PRTG: variants seen among roughly 807,000 people sequenced by gnomAD.
PRTG encodes the protein protogenin.
PRTG carries 67 observed loss-of-function variants against 122.5 expected under a neutral mutation model. That is an observed-to-expected ratio of 0.55 (90% CI 0.45 to 0.67). The LOEUF is 0.67. Ranked by LOEUF, PRTG falls within the 30% of genes least tolerant of loss-of-function variation. PRTG has a pLI of 0.00. For missense variants in PRTG, 1,435 were observed against 1,415.4 expected (o/e 1.01, Z -0.22); for synonymous variants, 554 against 501.1 (o/e 1.11, Z -1.41).
chr15:55,683,985 A>G, intron 2 of PRTG, 54 bp from the exon 3 acceptor site: 4 of 1,470,926 alleles, frequency 2.7e-6, no homozygotes, highest in Non-Finnish European at 3.8e-6. Flanking sequence ...TAACACTTAG[A>G]AGTAACATTA....
chr15:55,717,114 G>T (rs1419591239), intron 2 of PRTG, among the ~76,000 whole-genome samples: 1 of 152,114 alleles, frequency 6.6e-6, no homozygotes, highest in Non-Finnish European at 1.5e-5. Flanking sequence ...GTTCCATCCT[G>T]ATATCACAAG....
Position 55,618,926 on chromosome 15 carries a change from T to C in PRTG, c.*1086A>G, listed in dbSNP as rs1050033370. 5.9e-5 allele frequency: 9 copies of C among 152,204 alleles called. No homozygotes were observed. The East Asian group carries it at 1.7e-3, about 29-fold the overall frequency. The allele number at this position is 152,204 out of a possible 1,614,324, so 9.4% of individuals were successfully genotyped here. A position where few individuals can be genotyped will look rare whatever the true frequency, so the allele number is the denominator to read the frequency against. On this transcript the variant is annotated 3_prime_UTR_variant, in exon 20 of 20. Transcript: ENST00000389286. ...TTCGAGTTCATTTTACTGTCTACTG[T>C]TGCATTTACCTTCATTCTTAATAGT...
chr15:55,720,306 G>C (rs1263085670), intron 2 of PRTG, among the ~76,000 whole-genome samples: 1 of 147,314 alleles, frequency 6.8e-6, no homozygotes, highest in East Asian at 2.0e-4. Flanking sequence ...GCAGTGAGTT[G>C]AGATAGTGCC....
At position 55,680,520 on chromosome 15, in the gene PRTG, G is replaced by A; in HGVS notation, c.785C>T (p.Pro262Leu). Residue 262 changes from proline (P) to leucine (L), a missense_variant, in exon 5 of 20, where the codon CCC becomes CTC. Coordinates refer to ENST00000389286, the MANE Select transcript of PRTG (RefSeq NM_173814.6). ...GCGGCTCCAAGAAATGATTGGTTTG[G>A]GATTTCCTGTGGCCATGCATTCCAA... ...VVLECMATGN[P>L]KPIISWSRLD... The A allele has an allele frequency of 6.3e-7, 1 of 1,599,866 alleles. No homozygotes were observed. Among genetic ancestry groups the A allele is most frequent in the Non-Finnish European group, 8.5e-7 (1 of 1,173,142 alleles).
At chr15:55,714,627 A>G (rs1229330376) in intron 2 of PRTG, among the ~76,000 whole-genome samples, 1 of 152,082 alleles carries the variant, frequency 6.6e-6, no homozygotes, top group Non-Finnish European at 1.5e-5. Flanking sequence ...GCATCAAATA[A>G]GCTCAAAGTA....
At chr15:55,714,336 C>T (rs1294781664) in intron 2 of PRTG, among the ~76,000 whole-genome samples, 1 of 152,052 alleles carries the variant, frequency 6.6e-6, no homozygotes, top group East Asian at 1.9e-4. Context: ...AAGTGATTCT[C>T]TCATCTCAGT....
intron 2 of PRTG, among the ~76,000 whole-genome samples, chr15:55,688,071 A>G (rs765758278): frequency 5.3e-5 from 8 of 152,228 alleles, no homozygotes; most frequent in Non-Finnish European, 8.8e-5. Flanking sequence ...AACAAAAGGA[A>G]GAAAACTCTA....
intron 2 of PRTG, among the ~76,000 whole-genome samples, chr15:55,733,535 AG>A (rs2031309172): frequency 6.7e-6 from 1 of 148,480 alleles, no homozygotes; most frequent in African/African-American, 2.5e-5. Flanking sequence ...AAAAAAAAAA[AG>A]TAAACGGAGC....
At chr15:55,738,079 T>TAC (rs2031492842) in intron 2 of PRTG, 1 of 141,478 alleles carries the variant, frequency 7.1e-6, no homozygotes, top group African/African-American at 2.5e-5. Flanking sequence ...TAAATATATA[T>TAC]ATATATATAT....
intron 2 of PRTG, among the ~76,000 whole-genome samples, chr15:55,727,089 C>T (rs752249580): frequency 6.6e-6 from 1 of 151,640 alleles, no homozygotes; most frequent in Non-Finnish European, 1.5e-5. Context: ...TCTAATTTTA[C>T]ACCTTGAAGA....
Position 55,645,163 on chromosome 15 carries a change from C to T in PRTG, c.2042-3955G>A, listed in dbSNP as rs1310843087. The stretch of plus-strand genomic sequence containing the variant: ...ATTTAAGAGTGGAAGGGGCCGGGCG[C>T]GGTGGCTCACGCCTGTAATCCCAGC... On this transcript the variant is annotated intron_variant, in intron 11 of 19. Transcript: ENST00000389286. 3.9e-5 allele frequency among the ~76,000 whole-genome samples: 6 copies of T among 151,928 alleles called. No individual in the cohort carries two copies. The East Asian group carries it at 5.8e-4, about 15-fold the overall frequency.
At chr15:55,688,307 T>C (rs962424177) in intron 2 of PRTG, among the ~76,000 whole-genome samples, 1 of 152,182 alleles carries the variant, frequency 6.6e-6, no homozygotes, top group African/African-American at 2.4e-5. Context: ...TCCTCCTTCC[T>C]GTCTCCCTTT....
At chr15:55,676,049 GT>G (rs962860080) in intron 8 of PRTG, among the ~76,000 whole-genome samples, 1 of 151,830 alleles carries the variant, frequency 6.6e-6, no homozygotes, top group East Asian at 1.9e-4. Context: ...AACTCATGGG[GT>G]TTTTTTTCTT....
At chr15:55,655,481 T>C (rs1390489446) in intron 11 of PRTG, 1 of 152,190 alleles carries the variant, frequency 6.6e-6, no homozygotes, top group Non-Finnish European at 1.5e-5. Context: ...TAAATATCAG[T>C]TTACAAACAT....
chr15:55,715,126 T>C (rs910081398), intron 2 of PRTG, among the ~76,000 whole-genome samples: 1 of 152,202 alleles, frequency 6.6e-6, no homozygotes, highest in African/African-American at 2.4e-5. Context: ...TTAAAAGTAA[T>C]GTATCTATTG....
chr15:55,740,610 C>T lies in PRTG; in HGVS notation c.169G>A (p.Val57Ile), dbSNP rs1445356691. Residue 57 changes from valine to isoleucine, a missense_variant, in exon 2 of 20, where the codon GTT (valine) becomes ATT (isoleucine). Coordinates refer to ENST00000389286, the MANE Select transcript of PRTG (RefSeq NM_173814.6). ...TCTCCGTGAGCCTGGCAATCTAAAACGACTGGGTCCTTTCTTGTGACAGTT... is the reference window on the plus strand; with the variant it reads ...TCTCCGTGAGCCTGGCAATCTAAAATGACTGGGTCCTTTCTTGTGACAGTT... ...DVTVTRKDPV[V>I]LDCQAHGEVP... 2 of 1,614,062 alleles carry T rather than the reference C, an allele frequency of 1.2e-6. No homozygotes were observed. The highest frequency in any genetic ancestry group is 1.7e-6 in the Non-Finnish European group (2 of 1,180,004).
At chr15:55,694,605 G>A (rs1008094144) in intron 2 of PRTG, among the ~76,000 whole-genome samples, 1 of 152,044 alleles carries the variant, frequency 6.6e-6, no homozygotes. Flanking sequence ...TATCATGATA[G>A]TTTTAAATGT....
chr15:55,671,069 C>T (rs947811633), intron 11 of PRTG, among the ~76,000 whole-genome samples: 5 of 152,128 alleles, frequency 3.3e-5, no homozygotes, highest in Non-Finnish European at 7.4e-5. Flanking sequence ...AGATTATAAG[C>T]AAAATACCAT....
intron 13 of PRTG, among the ~76,000 whole-genome samples, chr15:55,639,241 A>G (rs1321618243): frequency 6.6e-6 from 1 of 152,152 alleles, no homozygotes; most frequent in East Asian, 1.9e-4. Context: ...CCCCAAAATC[A>G]TTCTTTTAGA....
Sources: allele counts gnomAD v4.1 joint callset (sites outside exome capture counted in the v4.1 genomes callset), GRCh38; gene constraint gnomAD v4.1.1; transcripts MANE v1.5; gene names NCBI Gene and HGNC (gene_info 2026-07-23, HGNC 2026-07-21).